The following ATP11A variants were observed in gnomAD, a reference collection of about 807,000 sequenced individuals.
ATP11A encodes the protein ATPase phospholipid transporting 11A.
In ATP11A, 81 loss-of-function variants were observed where a neutral mutation model predicts 154.4. That is an observed-to-expected ratio of 0.52 (90% CI 0.44 to 0.63). The LOEUF (loss-of-function observed/expected upper bound fraction) is 0.63. Among genes scored for constraint, ATP11A ranks in the 30% least tolerant of loss-of-function variants. The pLI, the probability that ATP11A is intolerant of heterozygous loss-of-function variation, is 0.00. For synonymous variants in ATP11A, 623 were observed against 585.9 expected, an observed-to-expected ratio of 1.06 and a Z score of -0.91; for missense variants, 1,316 against 1,474.3, an observed-to-expected ratio of 0.89 and a Z score of 1.76.
Position 112,785,574 on chromosome 13 carries a change from C to T in ATP11A, c.162+317C>T, listed in dbSNP as rs2077604549. 6.6e-6 allele frequency among the ~76,000 whole-genome samples: 1 copy of T among 152,108 alleles called. No individual in the cohort carries two copies. The highest frequency in any genetic ancestry group is 1.5e-5 in the Non-Finnish European group (1 of 68,014). On this transcript the variant is annotated intron_variant, in intron 2 of 29. Transcript: ENST00000375645. The surrounding 1 kb of genome is among the most constrained non-coding windows in gnomAD (Gnocchi z 4.8). ...CTACCCAGGTCCCACTTCTGAGGCG[C>T]CTGGCCACGTGCTTGTCGTGGGCCA...
intron 1 of ATP11A, among the ~76,000 whole-genome samples, chr13:112,770,605 A>G (rs2077202519): frequency 6.6e-6 from 1 of 152,160 alleles, no homozygotes; most frequent in South Asian, 2.1e-4. Flanking sequence ...GTGGGAGAGA[A>G]CCGTGCATCT....
intron 12 of ATP11A, among the ~76,000 whole-genome samples, chr13:112,828,801 G>A (rs1040273762): frequency 6.6e-5 from 10 of 152,192 alleles, no homozygotes; most frequent in Admixed American, 3.9e-4. Flanking sequence ...AGGTCAAGAC[G>A]GGTGGACAAG....
chr13:112,797,863 G>A (rs2078041517), intron 2 of ATP11A, among the ~76,000 whole-genome samples: 1 of 152,218 alleles, frequency 6.6e-6, no homozygotes, highest in African/African-American at 2.4e-5. Context: ...GTGAGTTTTT[G>A]TGCTGTTACA....
intron 27 of ATP11A, among the ~76,000 whole-genome samples, chr13:112,874,573 G>T (rs1388757820): frequency 6.6e-6 from 1 of 152,172 alleles, no homozygotes; most frequent in African/African-American, 2.4e-5. Context: ...CAGACCTGGG[G>T]TCAGTAGCCG....
chr13:112,699,333 T>C (rs901571094), intron 1 of ATP11A, among the ~76,000 whole-genome samples: 6 of 152,236 alleles, frequency 3.9e-5, no homozygotes, highest in African/African-American at 1.4e-4. Flanking sequence ...CCCATTTTTC[T>C]GTGGTTTTTA....
Position 112,882,730 on chromosome 13 carries a change from G to GCCACTC in ATP11A, c.*865_*870dup. On this transcript the variant is annotated 3_prime_UTR_variant, in exon 30 of 30. Transcript: ENST00000375645. The surrounding 1 kb of genome is among the most constrained non-coding windows in gnomAD (Gnocchi z 5.1). ...CGCAGAAGTGCCAGGATGTCCATCA[G>GCCACTC]CCACTCGCCAGGGCACGGAGCCGTC... The GCCACTC allele has an allele frequency of 5.0e-6, 2 of 399,926 alleles. No homozygotes were observed. The highest frequency in any genetic ancestry group is 4.4e-6 in the Non-Finnish European group (1 of 227,110). The allele number at this position is 399,926 out of a possible 1,614,324, so 24.8% of individuals were successfully genotyped here.
At chr13:112,824,157 C>CTTT (rs2078871823) in intron 9 of ATP11A, among the ~76,000 whole-genome samples, 187 bp from the exon 10 acceptor site, 1 of 151,624 alleles carries the variant, frequency 6.6e-6, no homozygotes, top group Non-Finnish European at 1.5e-5. Context: ...GCTTCCTATG[C>CTTT]ATGAAGAAGG....
At chr13:112,842,947 G>A (rs926497442) in intron 17 of ATP11A, among the ~76,000 whole-genome samples, 3 of 152,244 alleles carry the variant, frequency 2.0e-5, no homozygotes, top group Non-Finnish European at 4.4e-5. Context: ...GTAGGGGGCC[G>A]GCCTGAGTGT....
At chr13:112,802,964 C>G (rs945697762) in intron 2 of ATP11A, among the ~76,000 whole-genome samples, 3 of 152,078 alleles carry the variant, frequency 2.0e-5, no homozygotes, top group Non-Finnish European at 4.4e-5. Context: ...AAGTTAGTTT[C>G]TTTTTTAAAA....
chr13:112,816,220 C>A lies in ATP11A; in HGVS notation c.570+9C>A, dbSNP rs369239536. On this transcript the variant is annotated intron_variant, in intron 6 of 29. Transcript: ENST00000375645. Reference sequence around the variant, plus strand: ...GAGAATCCAGCCATAAAGTAAGGGGCCTTTTCATTAGACTCCAGGGCAGGA... The same window carrying A: ...GAGAATCCAGCCATAAAGTAAGGGGACTTTTCATTAGACTCCAGGGCAGGA... 6.2e-7 allele frequency: 1 copy of A among 1,613,922 alleles called. No homozygotes were observed. The highest frequency in any genetic ancestry group is 2.2e-5 in the East Asian group (1 of 44,878).
chr13:112,857,784 GA>G (rs774271363), intron 20 of ATP11A, 33 bp from the exon 21 acceptor site: 349 of 1,541,884 alleles, frequency 2.3e-4, no homozygotes, highest in Non-Finnish European at 3.0e-4. Context: ...AAGTGAAACA[GA>G]GAAGATAAAT....
rs1208283904 is a variant in ATP11A, at chr13:112,834,442, A to G, written c.1560-147A>G. 16 of 636,016 alleles carry G rather than the reference A, an allele frequency of 2.5e-5. 1 individual carries two copies. The highest frequency in any genetic ancestry group is 2.0e-4 in the South Asian group (11 of 55,454). The allele number at this position is 636,016 out of a possible 1,614,324, so 39.4% of individuals were successfully genotyped here. A position where few individuals can be genotyped will look rare whatever the true frequency, so the allele number is the denominator to read the frequency against. The stretch of plus-strand genomic sequence containing the variant: ...AATAAGTTCATTATGATAATTTCCT[A>G]ACTTTATAATGCAGTTTATAATCTC... On this transcript the variant is annotated intron_variant, in intron 14 of 29. Transcript: ENST00000375645.
chr13:112,771,972 G>A (rs2077235502), intron 1 of ATP11A, among the ~76,000 whole-genome samples: 1 of 152,236 alleles, frequency 6.6e-6, no homozygotes, highest in Non-Finnish European at 1.5e-5. Flanking sequence ...GGACTCAGGT[G>A]GCAGAGCCTG....
At chr13:112,818,353 C>T (rs1171741365) in intron 6 of ATP11A, among the ~76,000 whole-genome samples, 3 of 151,760 alleles carry the variant, frequency 2.0e-5, no homozygotes, top group Non-Finnish European at 4.4e-5. Flanking sequence ...GGTGACGGAA[C>T]GGTGATCATT....
intron 2 of ATP11A, among the ~76,000 whole-genome samples, chr13:112,791,681 G>A (rs35850404): frequency 1.3e-5 from 2 of 152,122 alleles, no homozygotes; most frequent in African/African-American, 2.4e-5. Context: ...CAGTGGCCTC[G>A]GTGGCTTCGC....
At chr13:112,733,374 C>T (rs1890689104) in intron 1 of ATP11A, among the ~76,000 whole-genome samples, 1 of 152,222 alleles carries the variant, frequency 6.6e-6, no homozygotes, top group Non-Finnish European at 1.5e-5. Flanking sequence ...ATGGATAGGA[C>T]TGTAGAGCTT....
intron 5 of ATP11A, among the ~76,000 whole-genome samples, chr13:112,814,235 T>G (rs989730186): frequency 5.3e-5 from 8 of 151,972 alleles, no homozygotes; most frequent in Non-Finnish European, 1.2e-4. Flanking sequence ...GTCTAATTTT[T>G]TAGTGTTAGT....
In ATP11A at chr13:112,766,856, G is replaced by A. The variant is rs182093385; in HGVS notation, c.40-18279G>A. 5.5e-4 allele frequency among the ~76,000 whole-genome samples: 15 copies of A among 27,298 alleles called. 2 individuals carry two copies. Among genetic ancestry groups the A allele is most frequent in the African/African-American group, 3.3e-3 (7 of 2,092 alleles). The allele number at this position is 27,298 out of a possible 152,430, so 17.9% of individuals were successfully genotyped here. ...GTGGGGGTGTTGGGGGCCCCTGTGG[G>A]AAGGTGGGGAGGGTGTGGGAGTGCT... is the stretch of plus-strand genomic sequence containing the variant. On this transcript the variant is annotated intron_variant, in intron 1 of 29. Coordinates refer to ENST00000375645, the MANE Select transcript of ATP11A (RefSeq NM_015205.3).
chr13:112,710,590 AGCAGGCCCC>A (rs1176592008), intron 1 of ATP11A, among the ~76,000 whole-genome samples: 1 of 152,208 alleles, frequency 6.6e-6, no homozygotes, highest in Non-Finnish European at 1.5e-5. Flanking sequence ...GTGGTGGCCA[AGCAGGCCCC>A]GCAGGGCTGA....
Sources: allele counts gnomAD v4.1 joint callset (sites outside exome capture counted in the v4.1 genomes callset), GRCh38; gene constraint gnomAD v4.1.1; non-coding constraint Gnocchi (gnomAD v3.1); transcripts MANE v1.5; gene names NCBI Gene and HGNC (gene_info 2026-07-23, HGNC 2026-07-21).